Variants in PRRC2B observed in about 807,000 individuals in gnomAD.
PRRC2B encodes the protein proline rich coiled-coil 2B.
PRRC2B carries 68 observed loss-of-function variants against 242.3 expected under a neutral mutation model. That is an observed-to-expected ratio of 0.28 (90% CI 0.23 to 0.34). PRRC2B has a LOEUF of 0.34. Ranked by LOEUF, PRRC2B falls within the 10% of genes least tolerant of loss-of-function variation. The pLI, the probability that PRRC2B is intolerant of heterozygous loss-of-function variation, is 1.00. For synonymous variants in PRRC2B, 1,228 were observed against 1,173.6 expected (o/e 1.05, Z -0.95); for missense variants, 2,835 against 2,954.8 (o/e 0.96, Z 0.94).
chr9:131,484,743 A>G lies in PRRC2B; in HGVS notation c.5518A>G (p.Ile1840Val), dbSNP rs555982775. The G allele has an allele frequency of 5.0e-6, 8 of 1,612,978 alleles. No homozygotes were observed. Among genetic ancestry groups the G allele is most frequent in the Middle Eastern group, 3.3e-4 (2 of 6,080 alleles). The change falls in exon 24 of 32, where the codon ATC becomes GTC. Residue 1840 changes from isoleucine (I) to valine (V), a missense_variant. By Grantham distance (29) the Ile-to-Val change is conservative. Around this residue, in one of 7 missense-constraint regions of PRRC2B, gnomAD observed 574 missense variants for 626.0 expected, o/e 0.92. Transcript: ENST00000683519. ...GCGGGACCATCACATCCAGAGGGCC[A>G]TCGGTCTCTCCCCAATGTCCTTCCC... ...LRRDHHIQRA[I>V]GLSPMSFPTA...
At chr9:131,425,134 C>T (rs908790453) in intron 1 of PRRC2B, among the ~76,000 whole-genome samples, 1 of 152,020 alleles carries the variant, frequency 6.6e-6, no homozygotes, top group Non-Finnish European at 1.5e-5. Context: ...TACAGGCGTG[C>T]ACCACCATGC....
chr9:131,455,055 T>G, intron 9 of PRRC2B, 21 bp from the exon 10 acceptor site: 2 of 1,591,778 alleles, frequency 1.3e-6, no homozygotes, highest in South Asian at 2.2e-5. Flanking sequence ...TCATTCTTCC[T>G]GGGCCCTCCT....
At position 131,446,758 on chromosome 9, in the gene PRRC2B, C is replaced by T. The variant is rs1468236846; in HGVS notation, c.855+116C>T. 10 of 1,201,768 alleles carry T rather than the reference C, an allele frequency of 8.3e-6. No homozygotes were observed. The highest frequency in any genetic ancestry group is 1.0e-5 in the Non-Finnish European group (9 of 860,788). 74.4% of individuals were successfully genotyped at this position (1,201,768 alleles called of 1,614,324 possible). A position where few individuals can be genotyped will look rare whatever the true frequency, so the allele number is the denominator to read the frequency against. The stretch of plus-strand genomic sequence containing the variant: ...TCCTCTTGGCCCTGTTACCCTACTT[C>T]TGAGGCTTCCACTCGTTTTGCATTT... On this transcript the variant is annotated intron_variant, in intron 7 of 31. Coordinates refer to ENST00000683519, the MANE Select transcript of PRRC2B (RefSeq NM_013318.4). This position sits in a 1 kb window ranked among gnomAD's most constrained non-coding sequence, Gnocchi z 4.1.
Position 131,386,817 on chromosome 9 carries a change from C to CAT in PRRC2B, c.-56+13098_-56+13099dup, listed in dbSNP as rs1031483343. Reference sequence around the variant, plus strand: ...ACAGAACTAGTAGGATATATATAATCATATATATATATAAGTCATATATAT... The same window carrying CAT: ...ACAGAACTAGTAGGATATATATAATCATATATATATATATAAGTCATATATAT... On this transcript the variant is annotated intron_variant, in intron 1 of 1. Transcript: ENST00000682525. 1.3e-3 allele frequency among the ~76,000 whole-genome samples: 194 copies of CAT among 147,924 alleles called. 2 individuals carry two copies. The highest frequency in any genetic ancestry group is 4.4e-3 in the African/African-American group (179 of 40,722).
chr9:131,498,335 C>T lies in PRRC2B; in HGVS notation c.*2461C>T, dbSNP rs1471759677. On this transcript the variant is annotated 3_prime_UTR_variant, in exon 32 of 32. Coordinates refer to ENST00000683519, the MANE Select transcript of PRRC2B (RefSeq NM_013318.4). ...ATATAATGTCTGAATTAATTCTGTGCAGGAAAGGCCAGGAAATTGCATGTG... is the reference window on the plus strand; with the variant it reads ...ATATAATGTCTGAATTAATTCTGTGTAGGAAAGGCCAGGAAATTGCATGTG... 1 of 152,270 alleles carries T rather than the reference C, an allele frequency of 6.6e-6. No homozygotes were observed. The highest frequency in any genetic ancestry group is 6.5e-5 in the Admixed American group (1 of 15,300). 9.4% of individuals were successfully genotyped at this position (152,270 alleles called of 1,614,324 possible). A position where few individuals can be genotyped will look rare whatever the true frequency, so the allele number is the denominator to read the frequency against.
chr9:131,378,872 C>T (rs1039534022), intron 1 of PRRC2B, among the ~76,000 whole-genome samples: 1 of 152,206 alleles, frequency 6.6e-6, no homozygotes, highest in Admixed American at 6.5e-5. Flanking sequence ...GTATCTGCCA[C>T]CACACCCGGC....
In PRRC2B at chr9:131,466,870, C is replaced by T. The variant is rs923051391; in HGVS notation, c.1721-693C>T. 1.1e-3 allele frequency among the ~76,000 whole-genome samples: 173 copies of T among 151,748 alleles called. 2 individuals carry two copies. Among genetic ancestry groups the T allele is most frequent in the Admixed American group, 1.6e-3 (24 of 15,244 alleles). On this transcript the variant is annotated intron_variant, in intron 12 of 31. Coordinates refer to ENST00000683519, the MANE Select transcript of PRRC2B (RefSeq NM_013318.4). ...AGGCTGGAGTGCAGTGGCACGATCT[C>T]GGCTCACTGCAAGCTCCACCTCCTG...
chr9:131,446,523 T>A lies in PRRC2B; in HGVS notation c.736T>A (p.Cys246Ser), dbSNP rs747182458. The change falls in exon 7 of 32, where the codon TGT becomes AGT. Residue 246 changes from cysteine (C) to serine (S), a missense_variant. Coordinates refer to ENST00000683519, the MANE Select transcript of PRRC2B (RefSeq NM_013318.4). This position sits in a 1 kb window ranked among gnomAD's most constrained non-coding sequence, Gnocchi z 4.1. ...GGGAGATGGAGCCCCCTCCTCGGCA[T>A]GTACCAGCGATTCTAAGGACCCCTC... is the stretch of plus-strand genomic sequence containing the variant. ...STGDGAPSSA[C>S]TSDSKDPSLR... is the part of the protein sequence containing the mutation. 1 of 1,613,954 alleles carries A rather than the reference T, an allele frequency of 6.2e-7. No homozygotes were observed. The highest frequency in any genetic ancestry group is 8.5e-7 in the Non-Finnish European group (1 of 1,179,872).
intron 1 of PRRC2B, among the ~76,000 whole-genome samples, chr9:131,410,153 C>T (rs1053177325): frequency 2.0e-5 from 3 of 152,190 alleles, no homozygotes; most frequent in Non-Finnish European, 2.9e-5. Flanking sequence ...ATCTTCAAAG[C>T]GGGAGGTAGG....
intron 5 of PRRC2B, among the ~76,000 whole-genome samples, chr9:131,442,599 C>T (rs540621164): frequency 1.3e-5 from 2 of 152,270 alleles, no homozygotes; most frequent in African/African-American, 4.8e-5. Flanking sequence ...GATCCAGCCG[C>T]GCCTTTCCGG....
Position 131,446,564 on chromosome 9 carries a change from G to A in PRRC2B, c.777G>A (p.Gln259=). The part of the protein sequence containing the change: ...DSKDPSLRPA[Q]PVRKGASQFM... ...AGGACCCCTCTCTCCGCCCGGCTCA[G>A]CCTGTCCGAAAAGGGGCTTCACAGT... is the stretch of plus-strand genomic sequence containing the variant. Residue 259 remains glutamine (Q), a synonymous_variant, in exon 7 of 32, where the codon CAG becomes CAA. Transcript: ENST00000683519. The surrounding 1 kb of genome is among the most constrained non-coding windows in gnomAD (Gnocchi z 4.1). 6.2e-7 allele frequency: 1 copy of A among 1,613,938 alleles called. No individual in the cohort carries two copies. The highest frequency in any genetic ancestry group is 8.5e-7 in the Non-Finnish European group (1 of 1,179,870).
rs530615907 is a variant in PRRC2B, at chr9:131,395,681, A to G, written c.-52+1418A>G. Among the ~76,000 whole-genome samples the G allele has an allele frequency of 6.6e-5, 10 of 152,314 alleles. No homozygotes were observed. The South Asian group carries it at 2.1e-3, about 32-fold the overall frequency. On this transcript the variant is annotated intron_variant, in intron 1 of 31. Transcript: ENST00000683519. ...CCTTGTGGTGCCACCCATAGAGCCA[A>G]ACTGTGCCCATGGATGCCACAGGTG...
intron 1 of PRRC2B, among the ~76,000 whole-genome samples, chr9:131,406,544 A>T (rs72770782): frequency 0.01 from 1,528 of 152,314 alleles, 23 homozygotes; most frequent in Non-Finnish European, 0.013. Context: ...CCTTTCAGCC[A>T]CTTAGACCTA....
intron 1 of PRRC2B, among the ~76,000 whole-genome samples, chr9:131,420,473 C>CT (rs1333026098): frequency 2.4e-4 from 3 of 12,616 alleles, no homozygotes; most frequent in African/African-American, 3.6e-4. Flanking sequence ...TTCTTTCTTT[C>CT]TTTCTTTCTT....
chr9:131,423,279 C>G (rs2994042), intron 1 of PRRC2B, among the ~76,000 whole-genome samples: 1 of 152,078 alleles, frequency 6.6e-6, no homozygotes, highest in Admixed American at 6.5e-5. Context: ...GCCTCAGACC[C>G]GCTGGAGAGC....
intron 1 of PRRC2B, among the ~76,000 whole-genome samples, chr9:131,382,891 C>G (rs554744171): frequency 2.0e-4 from 31 of 152,218 alleles, no homozygotes; most frequent in Admixed American, 2.0e-3. Context: ...GTGATCCGCC[C>G]GCCTTGGCTT....
At chr9:131,486,241 C>T (rs936107716) in intron 26 of PRRC2B, 59 bp downstream of exon 26, 50 of 1,129,850 alleles carry the variant, frequency 4.4e-5, no homozygotes, top group Admixed American at 3.2e-4. Flanking sequence ...CAGTGCAGGG[C>T]GGAATTGGCT....
chr9:131,400,476 C>T (rs1412800326), intron 1 of PRRC2B, among the ~76,000 whole-genome samples: 1 of 152,100 alleles, frequency 6.6e-6, no homozygotes, highest in Non-Finnish European at 1.5e-5. Context: ...CACCACCACA[C>T]CTGGCTACTT....
chr9:131,395,069 T>A (rs1837008667), intron 1 of PRRC2B, among the ~76,000 whole-genome samples: 1 of 151,736 alleles, frequency 6.6e-6, no homozygotes, highest in Non-Finnish European at 1.5e-5. Flanking sequence ...AGAGGTGGAT[T>A]TTTTTCCTTT....
Sources: allele counts gnomAD v4.1 joint callset (sites outside exome capture counted in the v4.1 genomes callset), GRCh38; gene constraint gnomAD v4.1.1; regional missense constraint gnomAD v4.1.1; non-coding constraint Gnocchi (gnomAD v3.1); transcripts MANE v1.5; gene names NCBI Gene and HGNC (gene_info 2026-07-23, HGNC 2026-07-21).